SEMA5B: variants seen among roughly 807,000 people sequenced by gnomAD.
SEMA5B encodes semaphorin 5B.
A neutral mutation model predicts 135.0 loss-of-function variants in SEMA5B; 66 were observed. The observed-to-expected ratio is 0.49, with a 90% CI of 0.40 to 0.60. The LOEUF (loss-of-function observed/expected upper bound fraction) is 0.60, where lower values mean the gene tolerates loss of function less well. Among genes scored for constraint, SEMA5B ranks in the 20% least tolerant of loss-of-function variants. SEMA5B has a pLI of 0.00. For missense variants in SEMA5B, 1,501 were observed against 1,566.3 expected, an observed-to-expected ratio of 0.96 and a Z score of 0.70; for synonymous variants, 690 against 639.5, an observed-to-expected ratio of 1.08 and a Z score of -1.19.
chr3:123,027,741 C>T lies in SEMA5B; in HGVS notation c.-316G>A, dbSNP rs1332286433. On this transcript the variant is annotated 5_prime_UTR_variant, in exon 1 of 23. Coordinates refer to ENST00000357599, the MANE Select transcript of SEMA5B (RefSeq NM_001031702.4). Reference sequence around the variant, plus strand: ...CCCGCGCTCCAACTAGCTCCCGACCCGGCGCTCGGAGAGAGCAGGGAGGAG... The same window carrying T: ...CCCGCGCTCCAACTAGCTCCCGACCTGGCGCTCGGAGAGAGCAGGGAGGAG... The T allele has an allele frequency of 6.6e-6, 1 of 152,134 alleles. No individual in the cohort carries two copies. The highest frequency in any genetic ancestry group is 1.5e-5 in the Non-Finnish European group (1 of 68,024). The allele number at this position is 152,134 out of a possible 1,614,324, so 9.4% of individuals were successfully genotyped here.
At chr3:123,006,929 C>T (rs990903771) in intron 1 of SEMA5B, among the ~76,000 whole-genome samples, 2 of 152,194 alleles carry the variant, frequency 1.3e-5, no homozygotes, top group African/African-American at 4.8e-5. Flanking sequence ...GCTGCATTTC[C>T]AGATATTCCA....
At chr3:123,000,248 C>T (rs779129715) in intron 1 of SEMA5B, among the ~76,000 whole-genome samples, 3 of 152,048 alleles carry the variant, frequency 2.0e-5, no homozygotes, top group Non-Finnish European at 2.9e-5. Flanking sequence ...GCAGCCCTCC[C>T]GAAGGATAGA....
chr3:122,932,696 G>A (rs9846530), intron 5 of SEMA5B, among the ~76,000 whole-genome samples: 1 of 151,938 alleles, frequency 6.6e-6, no homozygotes, highest in Non-Finnish European at 1.5e-5. Flanking sequence ...CATTAGGCTA[G>A]TTTCCCACTT....
chr3:122,983,478 A>C (rs1331267473), intron 1 of SEMA5B, among the ~76,000 whole-genome samples: 4 of 151,910 alleles, frequency 2.6e-5, no homozygotes, highest in African/African-American at 9.7e-5. Flanking sequence ...GGTAAAAAAA[A>C]CCTATAAAGA....
chr3:122,980,382 C>T (rs1404555884), intron 1 of SEMA5B, among the ~76,000 whole-genome samples: 2 of 151,828 alleles, frequency 1.3e-5, no homozygotes, highest in East Asian at 3.9e-4. Context: ...ATTGCTTGAA[C>T]CCAGGAGGTG....
At position 122,915,830 on chromosome 3, in the gene SEMA5B, G is replaced by C; in HGVS notation, c.1749C>G (p.Ser583Arg). ...CGWDGKQQRC[S>R]TLEDSSNMSL... ...TCATGTTGGAGCTGTCCTCGAGTGT[G>C]CTGCAACGTTGCTGCTTCCCGTCCC... Residue 583 changes from serine to arginine, a missense_variant, in exon 13 of 23, where the codon AGC (serine) becomes AGG (arginine). Physicochemically the swap from Ser to Arg is moderately radical, Grantham distance 110. Transcript: ENST00000357599. 1.2e-6 allele frequency: 2 copies of C among 1,614,084 alleles called. No homozygotes were observed. The highest frequency in any genetic ancestry group is 1.7e-6 in the Non-Finnish European group (2 of 1,180,018).
chr3:122,948,783 A>T (rs1939919882), intron 2 of SEMA5B, 74 bp from the exon 3 acceptor site: 13 of 1,193,180 alleles, frequency 1.1e-5, no homozygotes, highest in Non-Finnish European at 1.3e-5. Context: ...CCTTGTGGTT[A>T]CAGTGCCCCC....
intron 1 of SEMA5B, chr3:122,992,921 C>G (rs890693698): frequency 2.7e-5 from 4 of 149,676 alleles, no homozygotes; most frequent in African/African-American, 5.1e-5. Flanking sequence ...CTCCTTGCCC[C>G]CAGCGACAGA....
At chr3:122,978,264 T>G (rs1941401682) in intron 1 of SEMA5B, among the ~76,000 whole-genome samples, 1 of 152,194 alleles carries the variant, frequency 6.6e-6, no homozygotes, top group Admixed American at 6.5e-5. Flanking sequence ...GCTCGGCCTC[T>G]CATGAGCCGA....
At chr3:122,985,424 A>C (rs1209067505) in intron 1 of SEMA5B, among the ~76,000 whole-genome samples, 4 of 152,054 alleles carry the variant, frequency 2.6e-5, no homozygotes, top group Non-Finnish European at 5.9e-5. Flanking sequence ...GGATCCCTTG[A>C]GCCCAGGAGT....
chr3:122,912,483 C>G, intron 18 of SEMA5B, 141 bp from the exon 19 acceptor site: 1 of 789,444 alleles, frequency 1.3e-6, no homozygotes, highest in Non-Finnish European at 1.9e-6. Flanking sequence ...ACCCAACAGT[C>G]CACTGTTAGG....
At chr3:122,987,441 G>A (rs1046545218) in intron 1 of SEMA5B, among the ~76,000 whole-genome samples, 1 of 152,168 alleles carries the variant, frequency 6.6e-6, no homozygotes, top group Admixed American at 6.5e-5. Flanking sequence ...AGGATTTAGG[G>A]GTCTGCAAGA....
At chr3:123,016,241 A>G (rs1942552577) in intron 1 of SEMA5B, among the ~76,000 whole-genome samples, 1 of 152,228 alleles carries the variant, frequency 6.6e-6, no homozygotes, top group Non-Finnish European at 1.5e-5. Context: ...GGCTCAGGGA[A>G]AACTCACTGG....
intron 3 of SEMA5B, among the ~76,000 whole-genome samples, chr3:122,945,632 C>T (rs1035539452): frequency 6.6e-6 from 1 of 152,146 alleles, no homozygotes; most frequent in African/African-American, 2.4e-5. Flanking sequence ...CTAACAGCAG[C>T]AAGCACCTTA....
At chr3:122,997,067 C>G (rs1942038620) in intron 1 of SEMA5B, among the ~76,000 whole-genome samples, 1 of 115,122 alleles carries the variant, frequency 8.7e-6, no homozygotes, top group African/African-American at 4.7e-5. Context: ...TCCCTACCTC[C>G]TTTCTTGCTT....
intron 2 of SEMA5B, among the ~76,000 whole-genome samples, chr3:122,959,768 G>A (rs1940493716): frequency 6.6e-6 from 1 of 152,166 alleles, no homozygotes; most frequent in African/African-American, 2.4e-5. Flanking sequence ...GAAATAAGGT[G>A]AATAGCATGT....
chr3:122,932,613 A>G (rs1018452377), intron 5 of SEMA5B, among the ~76,000 whole-genome samples: 1 of 152,164 alleles, frequency 6.6e-6, no homozygotes, highest in Non-Finnish European at 1.5e-5. Context: ...GCTGGGCAGC[A>G]AGCCATACTG....
chr3:122,914,077 G>A (rs1037178476), intron 14 of SEMA5B, 76 bp from the exon 15 acceptor site: 8 of 1,438,498 alleles, frequency 5.6e-6, no homozygotes, highest in East Asian at 2.4e-5. Context: ...TCTCTGGGCC[G>A]ATGTATTTTC....
intron 2 of SEMA5B, among the ~76,000 whole-genome samples, chr3:122,956,112 C>T (rs1940286043): frequency 6.6e-6 from 1 of 152,222 alleles, no homozygotes; most frequent in Non-Finnish European, 1.5e-5. Flanking sequence ...GGCATTGGAG[C>T]TGGGGCAGGG....
Sources: allele counts gnomAD v4.1 joint callset (sites outside exome capture counted in the v4.1 genomes callset), GRCh38; gene constraint gnomAD v4.1.1; transcripts MANE v1.5; gene names NCBI Gene and HGNC (gene_info 2026-07-23, HGNC 2026-07-21).